The following PCDHA6 variants were observed in gnomAD, a reference collection of about 807,000 sequenced individuals.
PCDHA6 encodes protocadherin alpha-6.
In PCDHA6, 55 loss-of-function variants were observed where a neutral mutation model predicts 60.3. The observed-to-expected ratio is 0.91, with a 90% CI of 0.73 to 1.14. The LOEUF (loss-of-function observed/expected upper bound fraction) is 1.14. Among genes scored for constraint, PCDHA6 ranks in the 50% most tolerant of loss-of-function variants. The pLI, the probability that PCDHA6 is intolerant of heterozygous loss-of-function variation, is 0.00. For missense variants in PCDHA6, 1,327 were observed against 1,256.5 expected (o/e 1.06, Z -0.85); for synonymous variants, 652 against 557.9 (o/e 1.17, Z -2.38).
At chr5:140,850,112 C>A (rs2150468097) in intron 1 of PCDHA6, 1 of 1,596,024 alleles carries the variant, frequency 6.3e-7, no homozygotes, top group Non-Finnish European at 8.6e-7. Context: ...GCGCGCGCGA[C>A]GCGGGCGTGC....
chr5:140,910,972 G>T (rs533796834), intron 1 of PCDHA6, among the ~76,000 whole-genome samples: 1 of 152,124 alleles, frequency 6.6e-6, no homozygotes, highest in African/African-American at 2.4e-5. Flanking sequence ...CCTCCTCATG[G>T]GTTATACTCT....
At chr5:140,830,536 T>A (rs1771118020) in intron 1 of PCDHA6, 51 bp downstream of exon 1, 1 of 1,240,846 alleles carries the variant, frequency 8.1e-7, no homozygotes, top group Non-Finnish European at 1.1e-6. Context: ...AATTTATAAT[T>A]GTTTTCCTCA....
At position 140,836,007 on chromosome 5, in the gene PCDHA6, G is replaced by T. The variant is rs2150250458; in HGVS notation, c.2394+5522G>T. The T allele has an allele frequency of 5.0e-5, 81 of 1,613,178 alleles. 3 individuals are homozygous for T. In the East Asian group the frequency reaches 1.3e-3, roughly 27 times the overall value. On this transcript the variant is annotated intron_variant, in intron 1 of 3. Transcript: ENST00000529310. ...CCAGGTGAGCGCGCGCGATGCGGGC[G>T]TGCCGCCTCTGGGCAGCAACGTGAC...
At chr5:140,932,688 TA>T (rs1214634464) in intron 1 of PCDHA6, among the ~76,000 whole-genome samples, 4 of 151,810 alleles carry the variant, frequency 2.6e-5, no homozygotes, top group African/African-American at 9.7e-5. Flanking sequence ...ATATTCAAAT[TA>T]AAAAACTCAT....
intron 1 of PCDHA6, among the ~76,000 whole-genome samples, chr5:140,951,450 C>A: frequency 6.6e-6 from 1 of 151,922 alleles, no homozygotes; most frequent in East Asian, 1.9e-4. Flanking sequence ...ATGATGCCGG[C>A]CATCTGCTTG....
chr5:140,956,130 AC>A (rs1328169081), intron 1 of PCDHA6, among the ~76,000 whole-genome samples: 3 of 152,088 alleles, frequency 2.0e-5, no homozygotes. Context: ...CTATTTGAAT[AC>A]CCTTTATTTC....
At chr5:140,928,585 G>A (rs1554206029) in intron 1 of PCDHA6, 1 of 1,614,194 alleles carries the variant, frequency 6.2e-7, no homozygotes, top group Admixed American at 1.7e-5. Context: ...AAATGGTTCT[G>A]TCCCAGTGGA....
intron 1 of PCDHA6, chr5:140,859,687 T>G (rs1196528150): frequency 1.3e-5 from 2 of 154,650 alleles, no homozygotes; most frequent in Non-Finnish European, 2.9e-5. Flanking sequence ...AAATTAAAAT[T>G]ATTGTTCAAG....
chr5:140,970,222 C>T (rs1270140969), intron 1 of PCDHA6, among the ~76,000 whole-genome samples: 2 of 152,134 alleles, frequency 1.3e-5, no homozygotes, highest in Non-Finnish European at 2.9e-5. Context: ...TAAATGCAGC[C>T]TGTAATCTTC....
chr5:140,869,867 C>A (rs1554163562), intron 1 of PCDHA6: 7 of 1,609,988 alleles, frequency 4.3e-6, no homozygotes, highest in Non-Finnish European at 5.9e-6. Context: ...ATGGAAAATG[C>A]TGCTAAAGAA....
chr5:140,829,165 T>G lies in PCDHA6; in HGVS notation c.1074T>G (p.Pro358=), dbSNP rs141910594. The G allele has an allele frequency of 2.8e-4, 449 of 1,614,128 alleles. 1 individual carries two copies. The highest frequency in any genetic ancestry group is 5.0e-4 in the Admixed American group (30 of 60,032). ...TAGCACTGACTTCCTTATCCTTGCC[T>G]GTACGTGAAGACGCTCAATTTGGTA... The part of the protein sequence containing the change: ...PEIALTSLSL[P]VREDAQFGTV... Residue 358 remains proline, a synonymous_variant, in exon 1 of 4, where the codon CCT becomes CCG. Transcript: ENST00000529310.
At chr5:140,836,998 G>A (rs2150272095) in intron 1 of PCDHA6, 32 of 336,008 alleles carry the variant, frequency 9.5e-5, no homozygotes, top group Non-Finnish European at 1.5e-4. Flanking sequence ...TTGCTAACTG[G>A]AGCAATGGAT....
At chr5:140,882,667 C>A in intron 1 of PCDHA6, 1 of 1,614,160 alleles carries the variant, frequency 6.2e-7, no homozygotes, top group Middle Eastern at 1.6e-4. Flanking sequence ...CGCCCATATT[C>A]CCTGAAAGCA....
chr5:141,003,254 G>A (rs782245010), intron 3 of PCDHA6, among the ~76,000 whole-genome samples: 17 of 152,190 alleles, frequency 1.1e-4, no homozygotes, highest in Non-Finnish European at 2.1e-4. Flanking sequence ...AAGATTCCTG[G>A]GCAGTGCCTA....
intron 1 of PCDHA6, among the ~76,000 whole-genome samples, chr5:140,907,616 G>A (rs2073492016): frequency 6.6e-6 from 1 of 152,216 alleles, no homozygotes; most frequent in Non-Finnish European, 1.5e-5. Flanking sequence ...CATATCAAGG[G>A]CTCAGTGTTG....
At chr5:140,898,676 G>C (rs1478380529) in intron 1 of PCDHA6, among the ~76,000 whole-genome samples, 3 of 152,036 alleles carry the variant, frequency 2.0e-5, no homozygotes, top group African/African-American at 4.8e-5. Context: ...GTTGCGGGCT[G>C]TTTTTTGGTT....
At chr5:140,863,524 T>A in intron 1 of PCDHA6, 1 of 397,376 alleles carries the variant, frequency 2.5e-6, no homozygotes, top group Non-Finnish European at 4.9e-6. Context: ...CTCCCATGGT[T>A]CAGATTTTGG....
chr5:140,835,635 G>C, intron 1 of PCDHA6: 1 of 1,613,914 alleles, frequency 6.2e-7, no homozygotes, highest in South Asian at 1.1e-5. Context: ...CCGCGAGAGT[G>C]TGTCCGCCTA....
intron 1 of PCDHA6, chr5:140,871,619 A>C: frequency 7.1e-7 from 1 of 1,415,536 alleles, no homozygotes; most frequent in Non-Finnish European, 9.4e-7. Context: ...ATTGTTTTAG[A>C]TAACAATGTC....
Sources: gnomAD v4.1 joint callset for allele counts (sites outside exome capture counted in the v4.1 genomes callset) on GRCh38, gnomAD v4.1.1 for gene constraint, MANE v1.5 for transcripts, NCBI Gene and HGNC (gene_info 2026-07-23, HGNC 2026-07-21) for gene names.